Variants in TAF5 observed in about 807,000 individuals in gnomAD.
The protein encoded by TAF5 is transcription initiation factor TFIID subunit 5.
TAF5 carries 20 observed loss-of-function variants against 80.9 expected under a neutral mutation model. That is an observed-to-expected ratio of 0.25 (90% CI 0.17 to 0.36). The LOEUF is 0.36. Among genes scored for constraint, TAF5 ranks in the 10% least tolerant of loss-of-function variants. The pLI, the probability that TAF5 is intolerant of heterozygous loss-of-function variation, is 1.00. For missense variants in TAF5, 863 were observed against 1,029.4 expected (o/e 0.84, Z 2.21); for synonymous variants, 388 against 406.4 (o/e 0.95, Z 0.55).
At chr10:103,383,216 C>T in intron 6 of TAF5, 22 bp from the exon 7 acceptor site, 1 of 1,531,188 alleles carries the variant, frequency 6.5e-7, no homozygotes, top group Non-Finnish European at 8.8e-7. Flanking sequence ...TATAAAATAT[C>T]AATATTTCTG....
Position 103,388,823 on chromosome 10 carries a change from G to A in TAF5, c.*600G>A, listed in dbSNP as rs542379552. On this transcript the variant is annotated 3_prime_UTR_variant, in exon 11 of 11. Transcript: ENST00000369839. The stretch of plus-strand genomic sequence containing the variant: ...GAGTTTTGAGTGCACCCAAACACTC[G>A]ATAAACCAGGTGAAGAAATTTAGCT... 5 of 152,884 alleles carry A rather than the reference G, an allele frequency of 3.3e-5. No homozygotes were observed. Among genetic ancestry groups the A allele is most frequent in the Admixed American group, 1.3e-4 (2 of 15,302 alleles). The allele number at this position is 152,884 out of a possible 1,614,324, so 9.5% of individuals were successfully genotyped here.
Position 103,383,640 on chromosome 10 carries a change from G to A in TAF5, c.1664+273G>A, listed in dbSNP as rs188392585. ...GTTGCCCAGGTTGGAGTGCAATGGC[G>A]TGATCTTGGCTTACCGCAACCTCCG... On this transcript the variant is annotated intron_variant, in intron 7 of 10. Transcript: ENST00000369839. 5.6e-4 allele frequency among the ~76,000 whole-genome samples: 83 copies of A among 147,818 alleles called. 1 individual carries two copies. The East Asian group carries it at 0.012, about 22-fold the overall frequency.
Position 103,368,070 on chromosome 10 carries a change from G to T in TAF5, c.81G>T (p.Gln27His). The T allele has an allele frequency of 7.0e-7, 1 of 1,430,512 alleles. No individual in the cohort carries two copies. The highest frequency in any genetic ancestry group is 3.0e-5 in the East Asian group (1 of 33,212). 88.6% of individuals were successfully genotyped at this position (1,430,512 alleles called of 1,614,324 possible). A position where few individuals can be genotyped will look rare whatever the true frequency, so the allele number is the denominator to read the frequency against. The stretch of plus-strand genomic sequence containing the variant: ...GACCGCCAACGCTGCTACCTCCGCA[G>T]GCGGGGGACGGCGCAGGCGAGGGTA... ...PEGPPTLLPP[Q>H]AGDGAGEGSG... The change falls in exon 1 of 11, where the codon CAG becomes CAT. Residue 27 changes from glutamine (Q) to histidine (H), a missense_variant. Coordinates refer to ENST00000369839, the MANE Select transcript of TAF5 (RefSeq NM_006951.5).
In TAF5 at chr10:103,374,632, G is replaced by A. The variant is rs748695189; in HGVS notation, c.797+1037G>A. Among the ~76,000 whole-genome samples, 8 of 152,202 alleles carry A rather than the reference G, an allele frequency of 5.3e-5. No individual in the cohort carries two copies. In the East Asian group the frequency reaches 5.8e-4, roughly 11 times the overall value. On this transcript the variant is annotated intron_variant, in intron 2 of 10. Coordinates refer to ENST00000369839, the MANE Select transcript of TAF5 (RefSeq NM_006951.5). This position sits in a 1 kb window ranked among gnomAD's most constrained non-coding sequence, Gnocchi z 4.3. ...GGAAAAATGGATATTTGGGGAGAGC[G>A]AAGCCTTTTTGCTACAGAGTCATTT...
In TAF5 at chr10:103,387,280, C is replaced by T; in HGVS notation, c.1935C>T (p.Gly645=). 6.2e-7 allele frequency: 1 copy of T among 1,614,146 alleles called. No individual in the cohort carries two copies. The highest frequency in any genetic ancestry group is 8.5e-7 in the Non-Finnish European group (1 of 1,180,024). Reference sequence around the variant, plus strand: ...CAAATTCTAATTATGTTGCTACGGGCTCTGCAGACAGAACTGTGCGGCTCT... The same window carrying T: ...CAAATTCTAATTATGTTGCTACGGGTTCTGCAGACAGAACTGTGCGGCTCT... ...FHPNSNYVAT[G]SADRTVRLWD... Residue 645 remains glycine (G), a synonymous_variant, in exon 9 of 11, where the codon GGC becomes GGT. Transcript: ENST00000369839.
rs2093398818 is a variant in TAF5 at position 103,387,226 on chromosome 10, T to G, written c.1881T>G (p.Leu627=). 1 of 1,614,074 alleles carries G rather than the reference T, an allele frequency of 6.2e-7. No homozygotes were observed. The highest frequency in any genetic ancestry group is 1.3e-5 in the African/African-American group (1 of 74,942). Reference sequence around the variant, plus strand: ...CTTTAAGAATATTTGCCGGCCATCTTGCTGATGTGAATTGTACCAGATTCC... The same window carrying G: ...CTTTAAGAATATTTGCCGGCCATCTGGCTGATGTGAATTGTACCAGATTCC... ...YQPLRIFAGH[L]ADVNCTRFHP... The change falls in exon 9 of 11, where the codon CTT becomes CTG. Residue 627 remains leucine (L), a synonymous_variant. Transcript: ENST00000369839.
At chr10:103,372,019 C>G (rs1192273623) in intron 1 of TAF5, among the ~76,000 whole-genome samples, 1 of 151,472 alleles carries the variant, frequency 6.6e-6, no homozygotes, top group Non-Finnish European at 1.5e-5. Context: ...TCACTACAAC[C>G]TCTGCCTCCT....
chr10:103,381,150 G>A (rs1171524021), intron 5 of TAF5, among the ~76,000 whole-genome samples: 1 of 151,006 alleles, frequency 6.6e-6, no homozygotes, highest in Non-Finnish European at 1.5e-5. Flanking sequence ...GGTTTCACCA[G>A]GTTGACCAGG....
rs374549931 is a variant in TAF5, at chr10:103,368,349, C to T, written c.360C>T (p.Ala120=). 110 of 1,577,722 alleles carry T rather than the reference C, an allele frequency of 7.0e-5. No homozygotes were observed. The Middle Eastern group carries it at 2.9e-3, about 41-fold the overall frequency. The stretch of plus-strand genomic sequence containing the variant: ...CCGAAGAGGCGCTGCGCCGTGAGGC[C>T]GGGCTGCTGGAGGAGGCAGTGGCGG... ...REAEEALRRE[A]GLLEEAVAGS... is the part of the protein sequence containing the mutation. Residue 120 remains alanine, a synonymous_variant, in exon 1 of 11, where the codon GCC becomes GCT. Coordinates refer to ENST00000369839, the MANE Select transcript of TAF5 (RefSeq NM_006951.5).
In TAF5 at chr10:103,385,434, A is replaced by G; in HGVS notation, c.1773A>G (p.Thr591=). 1 of 1,614,086 alleles carries G rather than the reference A, an allele frequency of 6.2e-7. No homozygotes were observed. Among genetic ancestry groups the G allele is most frequent in the East Asian group, 2.2e-5 (1 of 44,862 alleles). Residue 591 remains threonine (T), a synonymous_variant, in exon 8 of 11, where the codon ACA becomes ACG. Transcript: ENST00000369839. The part of the protein sequence containing the change: ...YKGHNYPVWD[T]QFSPYGYYFV... ...GACACAACTATCCAGTATGGGACAC[A>G]CAATTTTCTCCATATGGATATTATT...
intron 8 of TAF5, 34 bp from the exon 9 acceptor site, chr10:103,387,141 T>C: frequency 6.3e-7 from 1 of 1,585,538 alleles, no homozygotes; most frequent in African/African-American, 1.4e-5. Context: ...TATCTACTAA[T>C]TGTCATCTTT....
At chr10:103,372,398 G>A (rs370268955) in intron 1 of TAF5, among the ~76,000 whole-genome samples, 75 of 150,846 alleles carry the variant, frequency 5.0e-4, no homozygotes, top group African/African-American at 1.5e-3. Context: ...GCAGTGGCGC[G>A]ATCTCGGCTC....
intron 1 of TAF5, among the ~76,000 whole-genome samples, chr10:103,370,721 C>T (rs1291843520): frequency 6.6e-6 from 1 of 152,128 alleles, no homozygotes; most frequent in Non-Finnish European, 1.5e-5. Context: ...CCTCCTTTCT[C>T]CCAGCAACTG....
chr10:103,382,897 C>T (rs1220332649), intron 6 of TAF5, among the ~76,000 whole-genome samples: 1 of 152,168 alleles, frequency 6.6e-6, no homozygotes, highest in Non-Finnish European at 1.5e-5. Context: ...ATCTGCCCGC[C>T]TTGGCCTACC....
chr10:103,379,540 A>T, intron 3 of TAF5, 68 bp from the exon 4 acceptor site: 1 of 1,287,642 alleles, frequency 7.8e-7, no homozygotes, highest in South Asian at 1.6e-5. Context: ...GATTTATCCT[A>T]TCAAGATGTA....
chr10:103,382,746 G>A (rs1023845096), intron 6 of TAF5, among the ~76,000 whole-genome samples: 1 of 151,666 alleles, frequency 6.6e-6, no homozygotes, highest in African/African-American at 2.4e-5. Context: ...TCCCTGGGCT[G>A]AAGTGATCCT....
At position 103,379,769 on chromosome 10, in the gene TAF5, C is replaced by T. The variant is rs772329183; in HGVS notation, c.1275C>T (p.Asn425=). 50 of 1,594,904 alleles carry T rather than the reference C, an allele frequency of 3.1e-5. No homozygotes were observed. Among genetic ancestry groups the T allele is most frequent in the East Asian group, 1.6e-4 (7 of 44,790 alleles). The change falls in exon 4 of 11, where the codon AAC becomes AAT. Residue 425 remains asparagine, a splice_region_variant and synonymous_variant. Transcript: ENST00000369839. Reference sequence around the variant, plus strand: ...AAGATCCCAATGCTCCACCTCAGAACAGGTGAGGAAAAAACTTCAGGAACT... The same window carrying T: ...AAGATCCCAATGCTCCACCTCAGAATAGGTGAGGAAAAAACTTCAGGAACT... ...KKQDPNAPPQ[N]RIPLPELKDS... is the part of the protein sequence containing the mutation.
In TAF5 at chr10:103,367,996, G is replaced by A; in HGVS notation, c.7G>A (p.Ala3Thr). 1.4e-6 allele frequency: 2 copies of A among 1,461,192 alleles called. No homozygotes were observed. Among genetic ancestry groups the A allele is most frequent in the Admixed American group, 2.7e-5 (1 of 37,292 alleles). The allele number at this position is 1,461,192 out of a possible 1,614,324, so 90.5% of individuals were successfully genotyped here. ...GAGGTGGCTCAGCCGCAAGATGGCG[G>A]CGCTGGCGGAGGAGCAGACGGAGGT... MA[A>T]LAEEQTEVAV... Residue 3 changes from alanine to threonine, a missense_variant, in exon 1 of 11, where the codon GCG (alanine) becomes ACG (threonine). By Grantham distance (58) the Ala-to-Thr change is moderately conservative. Around this residue, in one of 3 missense-constraint regions of TAF5, gnomAD observed 367 missense variants for 335.5 expected, o/e 1.09. Coordinates refer to ENST00000369839, the MANE Select transcript of TAF5 (RefSeq NM_006951.5).
chr10:103,384,723 G>T (rs1412137300), intron 7 of TAF5, among the ~76,000 whole-genome samples: 2 of 152,206 alleles, frequency 1.3e-5, no homozygotes, highest in Non-Finnish European at 2.9e-5. Context: ...TTTGTTGCTT[G>T]ATAAGGTTTT....
Sources: gnomAD v4.1 joint callset for allele counts (sites outside exome capture counted in the v4.1 genomes callset) on GRCh38, gnomAD v4.1.1 for gene constraint, gnomAD v4.1.1 regional missense constraint, Gnocchi (gnomAD v3.1) non-coding constraint, MANE v1.5 for transcripts, NCBI Gene and HGNC (gene_info 2026-07-23, HGNC 2026-07-21) for gene names.